Variants in PIK3C2G observed in about 807,000 individuals in gnomAD.
PIK3C2G encodes phosphatidylinositol 3-kinase C2 domain-containing subunit gamma.
PIK3C2G carries 168 observed loss-of-function variants against 181.1 expected under a neutral mutation model. The observed-to-expected ratio is 0.93, with a 90% CI of 0.82 to 1.05. The LOEUF is 1.05. PIK3C2G is among the 50% of genes least tolerant of loss of function. PIK3C2G has a pLI of 0.00. For missense variants in PIK3C2G, 1,869 were observed against 1,732.8 expected, an observed-to-expected ratio of 1.08 and a Z score of -1.40; for synonymous variants, 573 against 592.2, an observed-to-expected ratio of 0.97 and a Z score of 0.47.
At chr12:18,329,891 ATTAACT>A (rs949463078) in intron 8 of PIK3C2G, among the ~76,000 whole-genome samples, 4 of 152,096 alleles carry the variant, frequency 2.6e-5, no homozygotes, top group African/African-American at 9.7e-5. Context: ...CTATCTTTGT[ATTAACT>A]TTAATTTTTC....
intron 18 of PIK3C2G, among the ~76,000 whole-genome samples, chr12:18,486,295 C>T (rs1207118804): frequency 6.6e-6 from 1 of 152,082 alleles, no homozygotes; most frequent in African/African-American, 2.4e-5. Context: ...ACTGAGTTTT[C>T]TTAGCTTTTA....
At chr12:18,613,178 A>T (rs1240062937) in intron 31 of PIK3C2G, among the ~76,000 whole-genome samples, 3 of 151,922 alleles carry the variant, frequency 2.0e-5, no homozygotes, top group Non-Finnish European at 4.4e-5. Context: ...GACTTCATGG[A>T]TTTTTTTCTA....
chr12:18,514,224 TTTG>T (rs1942386832), intron 24 of PIK3C2G, among the ~76,000 whole-genome samples: 1 of 151,898 alleles, frequency 6.6e-6, no homozygotes, highest in African/African-American at 2.4e-5. Context: ...TCACCTTGAA[TTTG>T]TTGTTTTCTT....
At chr12:18,471,327 C>T (rs985595751) in intron 18 of PIK3C2G, among the ~76,000 whole-genome samples, 1 of 152,148 alleles carries the variant, frequency 6.6e-6, no homozygotes, top group Non-Finnish European at 1.5e-5. Context: ...AACATCTCCT[C>T]TCTACTCAAA....
the PIK3C2G span, among the ~76,000 whole-genome samples, chr12:18,682,432 G>A: frequency 1.3e-5 from 2 of 151,976 alleles, no homozygotes; most frequent in Non-Finnish European, 2.9e-5. Context: ...CAATGTGGTA[G>A]AATTAGTATT....
chr12:18,723,740 C>T, the PIK3C2G span, among the ~76,000 whole-genome samples: 1 of 152,044 alleles, frequency 6.6e-6, no homozygotes, highest in Non-Finnish European at 1.5e-5. Context: ...ACTCTTGAAA[C>T]CCAGTGGTTA....
In PIK3C2G at chr12:18,439,623, A is replaced by G. The variant is rs75325720; in HGVS notation, c.2504+15584A>G. On this transcript the variant is annotated intron_variant, in intron 18 of 32. Coordinates refer to ENST00000538779, the MANE Select transcript of PIK3C2G (RefSeq NM_001288772.2). ...TAATTTCTTTTAGCACTCCGTGTATATAACAAGTCACTTGCAAAATGTCTC... is the reference window on the plus strand; with the variant it reads ...TAATTTCTTTTAGCACTCCGTGTATGTAACAAGTCACTTGCAAAATGTCTC... Among the ~76,000 whole-genome samples, 945 of 152,120 alleles carry G rather than the reference A, an allele frequency of 6.2e-3. 13 individuals are homozygous for G. The highest frequency in any genetic ancestry group is 0.022 in the African/African-American group (915 of 41,520).
intron 1 of PIK3C2G, among the ~76,000 whole-genome samples, chr12:18,255,472 C>T (rs1791098697): frequency 1.3e-5 from 2 of 152,108 alleles, no homozygotes; most frequent in Non-Finnish European, 2.9e-5. Flanking sequence ...TACTTTCTTT[C>T]TTTTATATCT....
At chr12:18,508,748 A>G (rs551192750) in intron 24 of PIK3C2G, among the ~76,000 whole-genome samples, 9 of 152,192 alleles carry the variant, frequency 5.9e-5, no homozygotes, top group Non-Finnish European at 1.3e-4. Flanking sequence ...ATGGAACACT[A>G]GACATAAATG....
chr12:18,286,962 T>G lies in PIK3C2G; in HGVS notation c.761+33T>G, dbSNP rs191760110. 590 of 1,151,948 alleles carry G rather than the reference T, an allele frequency of 5.1e-4. 3 individuals are homozygous for G. The African/African-American group carries it at 8.6e-3, about 17-fold the overall frequency. 71.4% of individuals were successfully genotyped at this position (1,151,948 alleles called of 1,614,324 possible). A position where few individuals can be genotyped will look rare whatever the true frequency, so the allele number is the denominator to read the frequency against. On this transcript the variant is annotated intron_variant, in intron 3 of 32. Transcript: ENST00000538779. ...CTGGTATTTCATTAAACTTTGAAAT[T>G]TTTGTGCCTGAATAAATTTGTGTAT...
the PIK3C2G span, among the ~76,000 whole-genome samples, chr12:18,689,300 T>C: frequency 6.6e-6 from 1 of 152,150 alleles, no homozygotes; most frequent in African/African-American, 2.4e-5. Flanking sequence ...TATCTAATTT[T>C]GAAAAACATA....
chr12:18,703,725 A>G, the PIK3C2G span, among the ~76,000 whole-genome samples: 1 of 152,134 alleles, frequency 6.6e-6, no homozygotes, highest in African/African-American at 2.4e-5. Flanking sequence ...GTATAAAACA[A>G]TTTTCACTTT....
chr12:18,603,059 A>C (rs1252699148), intron 30 of PIK3C2G, among the ~76,000 whole-genome samples: 1 of 152,250 alleles, frequency 6.6e-6, no homozygotes, highest in Non-Finnish European at 1.5e-5. Flanking sequence ...TCAAGAGGTT[A>C]GTTATTAAGC....
chr12:18,386,305 C>A (rs1943168828), intron 14 of PIK3C2G, among the ~76,000 whole-genome samples: 1 of 152,164 alleles, frequency 6.6e-6, no homozygotes, highest in Admixed American at 6.5e-5. Context: ...AATTCACATA[C>A]CATACTATCC....
the PIK3C2G span, among the ~76,000 whole-genome samples, chr12:18,698,552 C>T: frequency 2.6e-5 from 4 of 152,148 alleles, no homozygotes; most frequent in Non-Finnish European, 4.4e-5. Flanking sequence ...CATTCCCAAA[C>T]AGCCAGCAGC....
chr12:18,290,843 T>C lies in PIK3C2G; in HGVS notation c.762-12T>C, dbSNP rs1196624491. 8 of 1,565,382 alleles carry C rather than the reference T, an allele frequency of 5.1e-6. No homozygotes were observed. Among genetic ancestry groups the C allele is most frequent in the Non-Finnish European group, 7.0e-6 (8 of 1,138,956 alleles). ...CTTGTCCTAAGTATTTTTCTTAACA[T>C]ATGTTTTTCAGAATCAGAGAAAGAT... On this transcript the variant is annotated splice_polypyrimidine_tract_variant and intron_variant, in intron 3 of 32. Transcript: ENST00000538779.
At chr12:18,693,855 C>G in the PIK3C2G span, 2 of 1,531,852 alleles carry the variant, frequency 1.3e-6, no homozygotes, top group East Asian at 2.3e-5. Context: ...GATGAAAAGA[C>G]GAAGAAGCCC....
intron 1 of PIK3C2G, among the ~76,000 whole-genome samples, chr12:18,253,657 C>T (rs1318392130): frequency 6.6e-6 from 1 of 152,082 alleles, no homozygotes; most frequent in Non-Finnish European, 1.5e-5. Flanking sequence ...CAGTGACCGC[C>T]ACACTCTGGA....
chr12:18,637,885 T>C (rs905169321), intron 31 of PIK3C2G, among the ~76,000 whole-genome samples: 1 of 152,224 alleles, frequency 6.6e-6, no homozygotes, highest in Non-Finnish European at 1.5e-5. Flanking sequence ...GGTCCATGTG[T>C]CAGCCAACCC....
Sources: allele counts gnomAD v4.1 joint callset (sites outside exome capture counted in the v4.1 genomes callset), GRCh38; gene constraint gnomAD v4.1.1; transcripts MANE v1.5; gene names NCBI Gene and HGNC (gene_info 2026-07-23, HGNC 2026-07-21).